Variants in USP32 observed in about 807,000 individuals in gnomAD.
USP32 encodes the protein ubiquitin carboxyl-terminal hydrolase 32.
USP32 carries 59 observed loss-of-function variants against 204.8 expected under a neutral mutation model. The observed-to-expected ratio is 0.29, with a 90% CI of 0.23 to 0.36. The LOEUF (loss-of-function observed/expected upper bound fraction) is 0.36, where lower values mean the gene tolerates loss of function less well. USP32 is among the 10% of genes least tolerant of loss of function. The probability of loss-of-function intolerance (pLI) is 1.00; values close to 1 mark genes in which losing one functional copy is unlikely to be tolerated. For missense variants in USP32, 1,160 were observed against 1,946.4 expected (o/e 0.60, Z 7.60); for synonymous variants, 517 against 678.4 (o/e 0.76, Z 3.70).
chr17:60,379,469 T>A (rs570314479), intron 1 of USP32, among the ~76,000 whole-genome samples: 1 of 152,126 alleles, frequency 6.6e-6, no homozygotes, highest in Admixed American at 6.6e-5. Flanking sequence ...GTTTAGCTTA[T>A]CTCTGCCAGG....
rs115195297 is a variant in USP32 at position 60,282,264 on chromosome 17, A to C, written c.571+6259T>G. On this transcript the variant is annotated intron_variant, in intron 5 of 33. Coordinates refer to ENST00000300896, the MANE Select transcript of USP32 (RefSeq NM_032582.4). ...ATCTGATATCATTTAGCTAACCAAA[A>C]GTTTTAGAAGGAAGACCTTAGAACT... Among the ~76,000 whole-genome samples the C allele has an allele frequency of 7.6e-3, 1,165 of 152,328 alleles. 17 individuals carry two copies. Among genetic ancestry groups the C allele is most frequent in the Middle Eastern group, 0.041 (12 of 294 alleles).
intron 4 of USP32, among the ~76,000 whole-genome samples, chr17:60,289,099 C>T (rs946630096): frequency 1.1e-4 from 16 of 152,156 alleles, no homozygotes; most frequent in Non-Finnish European, 8.8e-5. Context: ...GCTCTGCCTC[C>T]CGGGTTCACG....
intron 27 of USP32, among the ~76,000 whole-genome samples, chr17:60,193,825 C>A: frequency 6.6e-6 from 1 of 152,164 alleles, no homozygotes; most frequent in Non-Finnish European, 1.5e-5. Context: ...CTGCATAACT[C>A]GTCCAGTGAA....
Position 60,392,008 on chromosome 17 carries a change from C to T in USP32, c.-69G>A, listed in dbSNP as rs550109618. On this transcript the variant is annotated 5_prime_UTR_variant, in exon 1 of 34. Transcript: ENST00000300896. ...CCCCACCCCCCTCCCGCCTTCTCCT[C>T]GGCGTCCCTGGGTGACGGTGACGGT... is the stretch of plus-strand genomic sequence containing the variant. 4 of 1,532,990 alleles carry T rather than the reference C, an allele frequency of 2.6e-6. No homozygotes were observed. The Admixed American group carries it at 5.5e-5, about 21-fold the overall frequency. The allele number at this position is 1,532,990 out of a possible 1,614,324, so 95.0% of individuals were successfully genotyped here.
intron 2 of USP32, among the ~76,000 whole-genome samples, chr17:60,317,062 A>G (rs2087998114): frequency 6.6e-6 from 1 of 152,172 alleles, no homozygotes; most frequent in South Asian, 2.1e-4. Flanking sequence ...ATAATTGCTT[A>G]ACAGGTACAG....
At chr17:60,375,951 G>C (rs2089532067) in intron 1 of USP32, among the ~76,000 whole-genome samples, 1 of 152,122 alleles carries the variant, frequency 6.6e-6, no homozygotes, top group Non-Finnish European at 1.5e-5. Context: ...AGAAAAATTT[G>C]TATCTTCCTA....
At chr17:60,180,685 T>C (rs777361415) in intron 32 of USP32, 48 bp from the exon 33 acceptor site, 20 of 1,563,898 alleles carry the variant, frequency 1.3e-5, no homozygotes, top group Non-Finnish European at 1.7e-5. Flanking sequence ...AACTGTACTA[T>C]GGCCAGGGTA....
intron 1 of USP32, among the ~76,000 whole-genome samples, chr17:60,361,118 C>T (rs2089197719): frequency 6.6e-6 from 1 of 152,004 alleles, no homozygotes; most frequent in South Asian, 2.1e-4. Context: ...AACAGAGCAA[C>T]ACTCTGCCTC....
At chr17:60,204,956 CTT>C (rs34428660) in intron 26 of USP32, among the ~76,000 whole-genome samples, 34 of 135,136 alleles carry the variant, frequency 2.5e-4, no homozygotes, top group African/African-American at 5.9e-4. Flanking sequence ...AAAAAGAAGT[CTT>C]TTTTTTTTTT....
rs372300794 is a variant in USP32, at chr17:60,294,760, T to C, written c.334A>G (p.Ile112Val). ...LFSSESGNYV[I>V]REEMERMLHV... ...AGCATTCTTTCCATTTCTTCCCGTA[T>C]AACATAGTTCCCAGATTCACTTGAA... Residue 112 changes from isoleucine to valine, a missense_variant, in exon 4 of 34, where the codon ATA becomes GTA. Ile to Val is a conservative substitution (Grantham distance 29, BLOSUM62 3). This residue lies in a region of USP32 where 536 missense variants were observed against 680.9 expected (regional missense o/e 0.79). Transcript: ENST00000300896. 9.9e-6 allele frequency: 16 copies of C among 1,612,846 alleles called. No homozygotes were observed. In the African/African-American group the frequency reaches 1.9e-4, roughly 19 times the overall value.
At chr17:60,301,517 A>T (rs1041217039) in intron 3 of USP32, 82 bp downstream of exon 3, 47 of 833,116 alleles carry the variant, frequency 5.6e-5, no homozygotes, top group Non-Finnish European at 8.0e-5. Flanking sequence ...TGTCAATTCA[A>T]ATCCTCTACC....
chr17:60,325,465 C>G (rs2088210284), intron 2 of USP32, among the ~76,000 whole-genome samples: 1 of 151,926 alleles, frequency 6.6e-6, no homozygotes, highest in African/African-American at 2.4e-5. Context: ...TCATAGTACA[C>G]TATGTTGCAA....
intron 1 of USP32, among the ~76,000 whole-genome samples, chr17:60,371,076 A>C (rs896356211): frequency 6.6e-6 from 1 of 151,442 alleles, no homozygotes; most frequent in African/African-American, 2.4e-5. Flanking sequence ...AATAAAAATA[A>C]AAATAATAAA....
intron 1 of USP32, among the ~76,000 whole-genome samples, chr17:60,361,586 C>A: frequency 6.6e-6 from 1 of 152,158 alleles, no homozygotes. Context: ...CCAAGTGGCT[C>A]TACCAATTTA....
At chr17:60,348,112 A>AC (rs2088834392) in intron 1 of USP32, among the ~76,000 whole-genome samples, 1 of 150,794 alleles carries the variant, frequency 6.6e-6, no homozygotes, top group South Asian at 2.1e-4. Context: ...ACAGAGCGAG[A>AC]CCCCGTCTCA....
At chr17:60,397,868 T>A (rs897264046) in intron 1 of USP32, among the ~76,000 whole-genome samples, 4 of 152,134 alleles carry the variant, frequency 2.6e-5, no homozygotes, top group African/African-American at 4.8e-5. Flanking sequence ...GAAAACTCTT[T>A]TAAGAGTTTT....
In USP32 at chr17:60,191,754, C is replaced by T. The variant is rs181745383; in HGVS notation, c.3522-1071G>A. 9.9e-4 allele frequency among the ~76,000 whole-genome samples: 151 copies of T among 151,772 alleles called. 2 individuals are homozygous for T. The highest frequency in any genetic ancestry group is 6.8e-3 in the Middle Eastern group (2 of 294). ...TCAATCTCCTGACCTCTTGATCTGC[C>T]CGCCTCCACCTCCCAAAGTGCTGGG... On this transcript the variant is annotated intron_variant, in intron 28 of 33. Coordinates refer to ENST00000300896, the MANE Select transcript of USP32 (RefSeq NM_032582.4).
chr17:60,377,571 T>C (rs2089571905), intron 1 of USP32, among the ~76,000 whole-genome samples: 1 of 152,220 alleles, frequency 6.6e-6, no homozygotes, highest in African/African-American at 2.4e-5. Context: ...GTCGTCTGTG[T>C]ACATGCTTAC....
chr17:60,249,710 A>C, intron 11 of USP32: 1 of 700,348 alleles, frequency 1.4e-6, no homozygotes, highest in Non-Finnish European at 2.6e-6. Context: ...TCTTGAATAA[A>C]TGCTTCTCAA....
Sources: gnomAD v4.1 joint callset for allele counts (sites outside exome capture counted in the v4.1 genomes callset) on GRCh38, gnomAD v4.1.1 for gene constraint, gnomAD v4.1.1 regional missense constraint, MANE v1.5 for transcripts, NCBI Gene and HGNC (gene_info 2026-07-23, HGNC 2026-07-21) for gene names.